The following CEP112 variants were observed in gnomAD, a reference collection of about 807,000 sequenced individuals.
CEP112 encodes centrosomal protein of 112 kDa.
A neutral mutation model predicts 153.0 loss-of-function variants in CEP112; 127 were observed. The ratio of observed to expected loss-of-function variants is 0.83; its 90% CI spans 0.72 to 0.96. The LOEUF is 0.96. CEP112 is among the 40% of genes least tolerant of loss of function. The pLI is 0.00. For synonymous variants in CEP112, 358 were observed against 374.4 expected (o/e 0.96, Z 0.51); for missense variants, 1,089 against 1,101.2 (o/e 0.99, Z 0.16).
intron 21 of CEP112, among the ~76,000 whole-genome samples, chr17:65,780,919 A>T (rs1244008914): frequency 6.6e-6 from 1 of 152,110 alleles, no homozygotes; most frequent in Non-Finnish European, 1.5e-5. Context: ...TTTTGTTTTT[A>T]AAATTTTTTA....
At chr17:66,022,711 G>GGAAAAA (rs60618756) in intron 16 of CEP112, among the ~76,000 whole-genome samples, 8 of 127,060 alleles carry the variant, frequency 6.3e-5, no homozygotes, top group Non-Finnish European at 1.1e-4. Context: ...TCCGCCTCAA[G>GGAAAAA]AAAAAAAAAA....
At chr17:65,759,360 C>T (rs932231847) in intron 21 of CEP112, among the ~76,000 whole-genome samples, 7 of 152,070 alleles carry the variant, frequency 4.6e-5, no homozygotes, top group South Asian at 2.1e-4. Flanking sequence ...TTCTTTCTTG[C>T]GCGAGATCCA....
At chr17:65,835,193 T>TA (rs35890393) in intron 21 of CEP112, among the ~76,000 whole-genome samples, 53,127 of 130,626 alleles carry the variant, frequency 0.41, 10,835 homozygotes, top group East Asian at 0.78. Flanking sequence ...AAAATAAAAG[T>TA]AAAAAAAAAA....
At chr17:66,173,610 A>G (rs1452964009) in intron 4 of CEP112, among the ~76,000 whole-genome samples, 1 of 152,212 alleles carries the variant, frequency 6.6e-6, no homozygotes, top group Non-Finnish European at 1.5e-5. Context: ...TTTGGCAAAC[A>G]ACTGATGTAT....
At chr17:65,848,962 C>T (rs927312115) in intron 21 of CEP112, among the ~76,000 whole-genome samples, 1 of 152,192 alleles carries the variant, frequency 6.6e-6, no homozygotes, top group African/African-American at 2.4e-5. Context: ...GCTGCTACCA[C>T]ATCTTGCCAA....
At chr17:65,936,444 C>CA (rs1480292231) in intron 18 of CEP112, among the ~76,000 whole-genome samples, 4 of 151,906 alleles carry the variant, frequency 2.6e-5, no homozygotes, top group Admixed American at 2.0e-4. Context: ...ACCCTGATAC[C>CA]AAAAACACAC....
At chr17:66,010,510 T>A (rs1045902750) in intron 16 of CEP112, among the ~76,000 whole-genome samples, 1 of 152,182 alleles carries the variant, frequency 6.6e-6, no homozygotes, top group Non-Finnish European at 1.5e-5. Context: ...ATAGGAGTGG[T>A]GAAAGAGGGC....
At chr17:65,701,207 C>G (rs1756421581) in intron 23 of CEP112, among the ~76,000 whole-genome samples, 1 of 152,112 alleles carries the variant, frequency 6.6e-6, no homozygotes, top group African/African-American at 2.4e-5. Flanking sequence ...GGCAGCAGAG[C>G]CACAAGACAG....
In CEP112 at chr17:66,013,045, G is replaced by A. The variant is rs143736932; in HGVS notation, c.1657-7276C>T. On this transcript the variant is annotated intron_variant, in intron 16 of 26. Transcript: ENST00000535342. The stretch of plus-strand genomic sequence containing the variant: ...CACTTGTGATTGTATTCTGAAATTC[G>A]TGAAGTGAGTTGTCCAGCTCTATCA... Among the ~76,000 whole-genome samples, 388 of 152,158 alleles carry A rather than the reference G, an allele frequency of 2.5e-3. 4 individuals are homozygous for A. The highest frequency in any genetic ancestry group is 9.0e-3 in the African/African-American group (375 of 41,500).
intron 10 of CEP112, 64 bp from the exon 11 acceptor site, chr17:66,063,145 A>C: frequency 3.0e-6 from 2 of 661,454 alleles, no homozygotes; most frequent in Non-Finnish European, 4.8e-6. Flanking sequence ...ATGATATAAA[A>C]TTTAGTGCAC....
chr17:65,785,130 T>C (rs1453960271), intron 21 of CEP112, among the ~76,000 whole-genome samples: 2 of 152,206 alleles, frequency 1.3e-5, no homozygotes, highest in Non-Finnish European at 2.9e-5. Context: ...GTTTCCAATG[T>C]TCATCTATGT....
At chr17:65,860,176 CA>C (rs979595662) in intron 20 of CEP112, among the ~76,000 whole-genome samples, 2 of 151,522 alleles carry the variant, frequency 1.3e-5, no homozygotes, top group African/African-American at 4.9e-5. Context: ...TATACATCAG[CA>C]AAAAAATTAT....
intron 19 of CEP112, among the ~76,000 whole-genome samples, chr17:65,906,497 T>C (rs2060088580): frequency 6.6e-6 from 1 of 152,122 alleles, no homozygotes; most frequent in Non-Finnish European, 1.5e-5. Flanking sequence ...AAGAAAAGTA[T>C]GCAAACTCTT....
intron 21 of CEP112, among the ~76,000 whole-genome samples, chr17:65,803,338 T>G (rs1169860606): frequency 6.6e-6 from 1 of 152,236 alleles, no homozygotes; most frequent in Non-Finnish European, 1.5e-5. Context: ...TTGTGGTGAT[T>G]TTGTTATACA....
At chr17:66,034,551 C>CT (rs1268549957) in intron 12 of CEP112, among the ~76,000 whole-genome samples, 2 of 150,398 alleles carry the variant, frequency 1.3e-5, no homozygotes, top group African/African-American at 4.9e-5. Flanking sequence ...AAAAGGGTTT[C>CT]TGTTAGCCAG....
chr17:65,742,675 T>C (rs2051203186), intron 23 of CEP112, among the ~76,000 whole-genome samples: 1 of 147,538 alleles, frequency 6.8e-6, no homozygotes, highest in East Asian at 1.9e-4. Context: ...GAATACATAA[T>C]GAAAGGATGT....
chr17:65,655,161 T>C (rs769156316), intron 24 of CEP112: 13 of 754,112 alleles, frequency 1.7e-5, no homozygotes, highest in South Asian at 6.7e-5. Context: ...TAAAAGTGTA[T>C]GTAGGCAGAA....
chr17:65,913,227 G>C (rs191233924), intron 19 of CEP112, among the ~76,000 whole-genome samples: 1 of 152,154 alleles, frequency 6.6e-6, no homozygotes, highest in Non-Finnish European at 1.5e-5. Flanking sequence ...GCAGTCTACC[G>C]CAAAGGTAGT....
chr17:66,102,834 A>T (rs2068623642), intron 6 of CEP112, among the ~76,000 whole-genome samples: 1 of 151,636 alleles, frequency 6.6e-6, no homozygotes, highest in Non-Finnish European at 1.5e-5. Flanking sequence ...TTCCACAACC[A>T]TTCATGATTT....
Sources: gnomAD v4.1 joint callset for allele counts (sites outside exome capture counted in the v4.1 genomes callset) on GRCh38, gnomAD v4.1.1 for gene constraint, MANE v1.5 for transcripts, NCBI Gene and HGNC (gene_info 2026-07-23, HGNC 2026-07-21) for gene names.